Variants in VTI1A observed in about 807,000 individuals in gnomAD.
The protein encoded by VTI1A is vesicle transport through interaction with t-SNAREs 1A.
VTI1A carries 22 observed loss-of-function variants against 34.9 expected under a neutral mutation model. The ratio of observed to expected loss-of-function variants is 0.63; its 90% CI spans 0.45 to 0.90. The LOEUF (loss-of-function observed/expected upper bound fraction) is 0.90, where lower values mean the gene tolerates loss of function less well. Among genes scored for constraint, VTI1A ranks in the 40% least tolerant of loss-of-function variants. The probability of loss-of-function intolerance (pLI) is 0.00; values close to 1 mark genes in which losing one functional copy is unlikely to be tolerated. For missense variants in VTI1A, 268 were observed against 275.6 expected, an observed-to-expected ratio of 0.97 and a Z score of 0.20; for synonymous variants, 87 against 97.3, an observed-to-expected ratio of 0.89 and a Z score of 0.62.
intron 5 of VTI1A, among the ~76,000 whole-genome samples, chr10:112,597,469 C>T (rs1844701022): frequency 6.6e-6 from 1 of 152,192 alleles, no homozygotes; most frequent in Non-Finnish European, 1.5e-5. Context: ...CTGCCTGCCT[C>T]AGCCTCCCAA....
intron 5 of VTI1A, among the ~76,000 whole-genome samples, chr10:112,641,412 C>T (rs1305072707): frequency 7.2e-5 from 11 of 152,180 alleles, no homozygotes; most frequent in Non-Finnish European, 1.3e-4. Context: ...CCCCACTCGC[C>T]GCGGCTAGGA....
At chr10:112,656,544 T>TTTTTTTTTA (rs59416348) in intron 5 of VTI1A, among the ~76,000 whole-genome samples, 3 of 146,104 alleles carry the variant, frequency 2.1e-5, no homozygotes, top group Non-Finnish European at 3.0e-5. Flanking sequence ...TTTTTTTTTT[T>TTTTTTTTTA]GAGACAGGGT....
In VTI1A at chr10:112,706,639, G is replaced by A. The variant is rs551049312; in HGVS notation, c.560+37641G>A. ...TTGTAGTTGGGAGCTTTTCTCTTAC[G>A]GTCTCTAGAGCTTCTCCCTCCATAG... is the stretch of plus-strand genomic sequence containing the variant. On this transcript the variant is annotated intron_variant, in intron 7 of 7. Transcript: ENST00000393077. Among the ~76,000 whole-genome samples, 175 of 152,284 alleles carry A rather than the reference G, an allele frequency of 1.1e-3. 1 individual carries two copies. Among genetic ancestry groups the A allele is most frequent in the African/African-American group, 3.8e-3 (159 of 41,546 alleles).
At chr10:112,511,681 C>T (rs888595291) in intron 3 of VTI1A, among the ~76,000 whole-genome samples, 3 of 152,048 alleles carry the variant, frequency 2.0e-5, no homozygotes, top group Admixed American at 6.5e-5. Context: ...ATGTTTGCAC[C>T]CTTTAACCTG....
intron 7 of VTI1A, chr10:112,671,726 A>C (rs887602832): frequency 2.0e-5 from 3 of 149,782 alleles, no homozygotes; most frequent in Non-Finnish European, 4.5e-5. Flanking sequence ...AACTGACCAA[A>C]AGGAATTGGA....
intron 5 of VTI1A, among the ~76,000 whole-genome samples, chr10:112,660,749 A>G (rs888253118): frequency 3.9e-5 from 6 of 152,212 alleles, no homozygotes; most frequent in Admixed American, 1.3e-4. Context: ...ATATTGCAGA[A>G]AGAAACTCAG....
chr10:112,469,427 C>T lies in VTI1A; in HGVS notation c.264+4770C>T, dbSNP rs115999799. On this transcript the variant is annotated intron_variant, in intron 3 of 7. Coordinates refer to ENST00000393077, the MANE Select transcript of VTI1A (RefSeq NM_145206.4). ...TTGTAATATCTTAAGATTCATCATA[C>T]TCCCAAGAACTAATTTTTGCCTCTG... Among the ~76,000 whole-genome samples the T allele has an allele frequency of 6.9e-3, 1,056 of 152,280 alleles. 14 individuals are homozygous for T. The highest frequency in any genetic ancestry group is 0.025 in the African/African-American group (1,026 of 41,550).
intron 3 of VTI1A, among the ~76,000 whole-genome samples, chr10:112,520,619 A>C (rs1038133809): frequency 3.4e-5 from 4 of 118,240 alleles, no homozygotes; most frequent in Non-Finnish European, 7.1e-5. Flanking sequence ...TTTAGTCTCT[A>C]TATGTGTGTG....
intron 7 of VTI1A, chr10:112,737,200 A>G (rs1228221467): frequency 6.0e-6 from 3 of 503,810 alleles, no homozygotes; most frequent in Admixed American, 5.4e-5. Context: ...CCTCCCAAGT[A>G]GCTGGGACTA....
intron 1 of VTI1A, 55 bp from the exon 2 acceptor site, chr10:112,460,469 A>C (rs570264297): frequency 1.3e-6 from 2 of 1,508,174 alleles, no homozygotes; most frequent in Non-Finnish European, 1.8e-6. Context: ...GAAGTTTTAA[A>C]ATATTAAATT....
At chr10:112,675,171 T>G (rs1356925149) in intron 7 of VTI1A, among the ~76,000 whole-genome samples, 1 of 152,202 alleles carries the variant, frequency 6.6e-6, no homozygotes, top group Admixed American at 6.5e-5. Context: ...AAACTGCTAC[T>G]TATGCACTCT....
the VTI1A span, among the ~76,000 whole-genome samples, chr10:112,841,366 G>A: frequency 2.0e-5 from 3 of 152,204 alleles, no homozygotes; most frequent in South Asian, 2.1e-4. Flanking sequence ...GAAAACAACC[G>A]AATTGCTGTT....
intron 5 of VTI1A, among the ~76,000 whole-genome samples, chr10:112,624,830 C>T (rs1404262435): frequency 6.6e-6 from 1 of 152,090 alleles, no homozygotes; most frequent in African/African-American, 2.4e-5. Flanking sequence ...GGCATGGTAG[C>T]GCAGGCCTGT....
chr10:112,817,433 A>G lies in VTI1A; in HGVS notation c.*2050A>G, dbSNP rs771186661. 13 of 231,432 alleles carry G rather than the reference A, an allele frequency of 5.6e-5. No homozygotes were observed. The highest frequency in any genetic ancestry group is 1.0e-4 in the Non-Finnish European group (12 of 117,054). The allele number at this position is 231,432 out of a possible 1,614,324, so 14.3% of individuals were successfully genotyped here. On this transcript the variant is annotated 3_prime_UTR_variant, in exon 8 of 8. Transcript: ENST00000393077. ...AGGAGGAGGGCATTGCTCACCTCTC[A>G]ATAGCTTTTTTCGTTCAAGTTCTAT... is the stretch of plus-strand genomic sequence containing the variant.
At chr10:112,531,101 A>ACGTGCG (rs1554897042) in intron 4 of VTI1A, among the ~76,000 whole-genome samples, 5 of 143,612 alleles carry the variant, frequency 3.5e-5, no homozygotes, top group Admixed American at 1.4e-4. Flanking sequence ...ACACACACAC[A>ACGTGCG]CACGTGCGCA....
chr10:112,455,121 G>A (rs755368960), intron 1 of VTI1A, among the ~76,000 whole-genome samples: 2 of 146,542 alleles, frequency 1.4e-5, no homozygotes, highest in Admixed American at 1.4e-4. Context: ...GTGTTGGTAG[G>A]TATTTCCAAG....
chr10:112,798,971 G>A (rs1852773387), intron 7 of VTI1A, among the ~76,000 whole-genome samples: 1 of 152,186 alleles, frequency 6.6e-6, no homozygotes, highest in Non-Finnish European at 1.5e-5. Context: ...GCAGATGTGT[G>A]GTCCAGCCCT....
chr10:112,816,150 C>G lies in VTI1A; in HGVS notation c.*767C>G, dbSNP rs1037254915. On this transcript the variant is annotated 3_prime_UTR_variant, in exon 8 of 8. Transcript: ENST00000393077. ...CCCTGGTACAGGATTTAATTGTGAC[C>G]TCGTCTTCCCTGACCTGTGTAAGCA... 1.4e-5 allele frequency: 3 copies of G among 218,698 alleles called. No homozygotes were observed. The highest frequency in any genetic ancestry group is 4.5e-5 in the African/African-American group (2 of 44,484). The allele number at this position is 218,698 out of a possible 1,614,324, so 13.5% of individuals were successfully genotyped here.
chr10:112,702,170 A>G (rs1428638452), intron 7 of VTI1A, among the ~76,000 whole-genome samples: 1 of 152,128 alleles, frequency 6.6e-6, no homozygotes, highest in African/African-American at 2.4e-5. Context: ...TTCTAATACT[A>G]TCTAACTTCG....
Sources: allele counts gnomAD v4.1 joint callset (sites outside exome capture counted in the v4.1 genomes callset), GRCh38; gene constraint gnomAD v4.1.1; transcripts MANE v1.5; gene names NCBI Gene and HGNC (gene_info 2026-07-23, HGNC 2026-07-21).